Variants in CORIN observed in about 807,000 individuals in gnomAD.
The protein encoded by CORIN is atrial natriuretic peptide-converting enzyme.
Under a neutral mutation model 125.3 loss-of-function variants are expected in CORIN, and 117 were observed. That is an observed-to-expected ratio of 0.93 (90% CI 0.80 to 1.09). CORIN has a LOEUF of 1.09. Ranked by LOEUF, CORIN falls within the 50% of genes least tolerant of loss-of-function variation. CORIN has a pLI of 0.00. For missense variants in CORIN, 1,253 were observed against 1,306.7 expected (o/e 0.96, Z 0.63); for synonymous variants, 450 against 466.4 (o/e 0.96, Z 0.45).
chr4:47,778,110 G>A (rs879851374), intron 3 of CORIN, among the ~76,000 whole-genome samples: 2 of 151,952 alleles, frequency 1.3e-5, no homozygotes, highest in African/African-American at 2.4e-5. Context: ...TGTTTTGCTT[G>A]TTTTCCTTTT....
chr4:47,715,113 T>C (rs1038470019), intron 5 of CORIN, among the ~76,000 whole-genome samples: 1 of 152,194 alleles, frequency 6.6e-6, no homozygotes, highest in Non-Finnish European at 1.5e-5. Context: ...ACTAAAATAG[T>C]AGTACACATA....
At chr4:47,629,518 A>G (rs1722724485) in intron 16 of CORIN, among the ~76,000 whole-genome samples, 1 of 152,200 alleles carries the variant, frequency 6.6e-6, no homozygotes, top group Non-Finnish European at 1.5e-5. Flanking sequence ...AAATATATCG[A>G]CAATTATAAA....
chr4:47,612,219 T>C (rs1721898367), intron 19 of CORIN, among the ~76,000 whole-genome samples: 2 of 152,114 alleles, frequency 1.3e-5, no homozygotes, highest in Non-Finnish European at 2.9e-5. Context: ...TCAAAGTAAA[T>C]ATATGAAGTG....
intron 5 of CORIN, among the ~76,000 whole-genome samples, chr4:47,714,975 G>C (rs943047043): frequency 2.0e-5 from 3 of 152,064 alleles, no homozygotes; most frequent in African/African-American, 7.2e-5. Context: ...CACAAATCTT[G>C]ACCTCAAGAT....
chr4:47,653,110 C>A (rs971373315), intron 13 of CORIN, among the ~76,000 whole-genome samples: 1 of 152,108 alleles, frequency 6.6e-6, no homozygotes, highest in Non-Finnish European at 1.5e-5. Context: ...AGAGAGAAAC[C>A]GCATTCTCAT....
intron 4 of CORIN, among the ~76,000 whole-genome samples, chr4:47,755,519 T>A (rs983013998): frequency 3.3e-5 from 5 of 152,230 alleles, no homozygotes; most frequent in Non-Finnish European, 7.3e-5. Context: ...AAAGTCTTTT[T>A]AACTGAGTGC....
rs527889881 is a variant in CORIN, at chr4:47,719,960, A to C, written c.799+24442T>G. On this transcript the variant is annotated intron_variant, in intron 5 of 21. Coordinates refer to ENST00000273857, the MANE Select transcript of CORIN (RefSeq NM_006587.4). ...AGTGGTTAGCCTCACTTTTCATTTA[A>C]AACGTTTTTATTTGAATCGGTTGTA... Among the ~76,000 whole-genome samples, 12 of 152,270 alleles carry C rather than the reference A, an allele frequency of 7.9e-5. No homozygotes were observed. The South Asian group carries it at 1.2e-3, about 16-fold the overall frequency.
At chr4:47,739,573 G>A (rs1387339870) in intron 5 of CORIN, among the ~76,000 whole-genome samples, 2 of 151,892 alleles carry the variant, frequency 1.3e-5, no homozygotes, top group Non-Finnish European at 2.9e-5. Context: ...AAAATAAAAG[G>A]ACAGTATACA....
chr4:47,636,317 T>C (rs1237548358), intron 16 of CORIN, among the ~76,000 whole-genome samples: 1 of 152,200 alleles, frequency 6.6e-6, no homozygotes, highest in Non-Finnish European at 1.5e-5. Flanking sequence ...ACCTTTCCCT[T>C]AGACTAACTC....
intron 4 of CORIN, among the ~76,000 whole-genome samples, chr4:47,747,549 C>A (rs896788363): frequency 6.6e-6 from 1 of 152,038 alleles, no homozygotes; most frequent in African/African-American, 2.4e-5. Flanking sequence ...TATCATTCTA[C>A]ATCTTTTCTT....
At chr4:47,689,183 C>T (rs750539468) in intron 6 of CORIN, among the ~76,000 whole-genome samples, 1 of 152,178 alleles carries the variant, frequency 6.6e-6, no homozygotes, top group African/African-American at 2.4e-5. Flanking sequence ...AATAAGATAA[C>T]AACAGTGACA....
chr4:47,776,567 A>C (rs1730313845), intron 3 of CORIN, among the ~76,000 whole-genome samples: 1 of 152,222 alleles, frequency 6.6e-6, no homozygotes, highest in Non-Finnish European at 1.5e-5. Context: ...CCTGAAATGC[A>C]CATTCTAGAG....
intron 19 of CORIN, among the ~76,000 whole-genome samples, chr4:47,606,959 A>T (rs1721673809): frequency 6.6e-6 from 1 of 152,230 alleles, no homozygotes; most frequent in South Asian, 2.1e-4. Context: ...GGCTGTGAAA[A>T]ACATTCATCC....
At chr4:47,598,875 A>G (rs953495323) in intron 21 of CORIN, among the ~76,000 whole-genome samples, 1 of 152,232 alleles carries the variant, frequency 6.6e-6, no homozygotes, top group Non-Finnish European at 1.5e-5. Context: ...TGTAATTACT[A>G]TTCATTGAAT....
At chr4:47,694,357 G>A (rs939803035) in intron 5 of CORIN, among the ~76,000 whole-genome samples, 2 of 151,748 alleles carry the variant, frequency 1.3e-5, no homozygotes, top group Non-Finnish European at 2.9e-5. Context: ...TTTTTAGCTG[G>A]GAAAAAAATA....
In CORIN at chr4:47,792,117, A is replaced by G. The variant is rs543953120; in HGVS notation, c.209-5192T>C. 9.8e-4 allele frequency among the ~76,000 whole-genome samples: 149 copies of G among 152,296 alleles called. 1 individual carries two copies. The South Asian group carries it at 0.012, about 12-fold the overall frequency. Reference sequence around the variant, plus strand: ...GGGATTTTCTAGGTTTAAGCAAAGTATTTGTGGGGAGGAGAGTGGCGTGGC... The same window carrying G: ...GGGATTTTCTAGGTTTAAGCAAAGTGTTTGTGGGGAGGAGAGTGGCGTGGC... On this transcript the variant is annotated intron_variant, in intron 2 of 21. Coordinates refer to ENST00000273857, the MANE Select transcript of CORIN (RefSeq NM_006587.4).
intron 1 of CORIN, among the ~76,000 whole-genome samples, chr4:47,828,867 A>G (rs1489089352): frequency 6.6e-6 from 1 of 152,122 alleles, no homozygotes; most frequent in African/African-American, 2.4e-5. Context: ...TGTTATGAAA[A>G]AAAAAGGTAG....
At chr4:47,628,408 T>C (rs898476699) in intron 16 of CORIN, among the ~76,000 whole-genome samples, 5 of 151,594 alleles carry the variant, frequency 3.3e-5, no homozygotes, top group Admixed American at 6.6e-5. Context: ...ACAATCAAGC[T>C]AAGAAGCATA....
chr4:47,626,561 A>T lies in CORIN; in HGVS notation c.2199-40T>A. ...ATACTGGATAAGTATTCAAAGTACA[A>T]TGATCTTTGAACAGGCATTATCATT... On this transcript the variant is annotated intron_variant, in intron 16 of 21. Transcript: ENST00000273857. 4 of 1,215,886 alleles carry T rather than the reference A, an allele frequency of 3.3e-6. No homozygotes were observed. The South Asian group carries it at 4.8e-5, about 15-fold the overall frequency. 75.3% of individuals were successfully genotyped at this position (1,215,886 alleles called of 1,614,324 possible). A position where few individuals can be genotyped will look rare whatever the true frequency, so the allele number is the denominator to read the frequency against.
Sources: allele counts gnomAD v4.1 joint callset (sites outside exome capture counted in the v4.1 genomes callset), GRCh38; gene constraint gnomAD v4.1.1; transcripts MANE v1.5; gene names NCBI Gene and HGNC (gene_info 2026-07-23, HGNC 2026-07-21).